Variants in FAM227B observed in about 807,000 individuals in gnomAD.
FAM227B encodes family with sequence similarity 227 member B.
In FAM227B, 88 loss-of-function variants were observed where a neutral mutation model predicts 73.8. The observed-to-expected ratio is 1.19, with a 90% CI of 1.00 to 1.42. The LOEUF is 1.42. Among genes scored for constraint, FAM227B ranks in the 40% most tolerant of loss-of-function variants. The pLI is 0.00. For missense variants in FAM227B, 632 were observed against 590.9 expected, an observed-to-expected ratio of 1.07 and a Z score of -0.72; for synonymous variants, 210 against 190.5, an observed-to-expected ratio of 1.10 and a Z score of -0.84.
chr15:49,484,128 C>A (rs943231988), intron 11 of FAM227B, among the ~76,000 whole-genome samples: 1 of 151,812 alleles, frequency 6.6e-6, no homozygotes, highest in African/African-American at 2.4e-5. Flanking sequence ...TTTAAGATAC[C>A]TTTTTATGCA....
In FAM227B at chr15:49,340,058, G is replaced by A. The variant is rs1423748684; in HGVS notation, c.1272-4562C>T. ...TGGATCTTAACTTGCTGGGCTCAGT[G>A]GGGGTGGGACCCGCTGAGCCAGACC... On this transcript the variant is annotated intron_variant, in intron 13 of 15. Coordinates refer to ENST00000299338, the MANE Select transcript of FAM227B (RefSeq NM_152647.3). Among the ~76,000 whole-genome samples the A allele has an allele frequency of 2.0e-5, 3 of 152,240 alleles. No homozygotes were observed. The East Asian group carries it at 5.8e-4, about 30-fold the overall frequency.
intron 13 of FAM227B, among the ~76,000 whole-genome samples, chr15:49,341,119 CTA>C: frequency 6.6e-6 from 1 of 152,128 alleles, no homozygotes; most frequent in Non-Finnish European, 1.5e-5. Context: ...TTTCATCAGT[CTA>C]TGTGTCTGTT....
chr15:49,331,584 G>A (rs1413709137), intron 15 of FAM227B, 196 bp downstream of exon 15: 1 of 499,928 alleles, frequency 2.0e-6, no homozygotes, highest in African/African-American at 1.9e-5. Context: ...AATGGGGAAT[G>A]TGAACATGAG....
intron 2 of FAM227B, among the ~76,000 whole-genome samples, chr15:49,612,048 T>A (rs2077964162): frequency 6.6e-6 from 1 of 151,504 alleles, no homozygotes; most frequent in East Asian, 1.9e-4. Flanking sequence ...TTTTTTTTTT[T>A]AATTTGGTAT....
intron 11 of FAM227B, chr15:49,488,494 A>G (rs2056595650): frequency 6.6e-6 from 1 of 151,878 alleles, no homozygotes; most frequent in South Asian, 2.1e-4. Flanking sequence ...CCATTCTCAA[A>G]CTACACTTCT....
At chr15:49,408,737 T>C (rs1195158060) in intron 11 of FAM227B, among the ~76,000 whole-genome samples, 3 of 152,214 alleles carry the variant, frequency 2.0e-5, no homozygotes, top group Non-Finnish European at 4.4e-5. Flanking sequence ...ATCCTGTTTT[T>C]TTCTGCTTCA....
chr15:49,571,996 C>T (rs2075138500), intron 8 of FAM227B, among the ~76,000 whole-genome samples: 1 of 151,792 alleles, frequency 6.6e-6, no homozygotes, highest in Non-Finnish European at 1.5e-5. Flanking sequence ...GATATCTTTC[C>T]ATTTATTTGT....
At chr15:49,359,108 A>T (rs2043718848) in intron 13 of FAM227B, among the ~76,000 whole-genome samples, 1 of 151,934 alleles carries the variant, frequency 6.6e-6, no homozygotes, top group African/African-American at 2.4e-5. Context: ...TAAAGACTTA[A>T]ACGTTAGACC....
At chr15:49,422,825 TTA>T in intron 11 of FAM227B, 1 of 885,992 alleles carries the variant, frequency 1.1e-6, no homozygotes, top group Non-Finnish European at 1.7e-6. Flanking sequence ...CACTCATATG[TTA>T]GTTAACACAT....
intron 3 of FAM227B, among the ~76,000 whole-genome samples, chr15:49,605,221 T>C (rs914477112): frequency 2.0e-5 from 3 of 152,114 alleles, no homozygotes; most frequent in East Asian, 1.9e-4. Context: ...GTGGGGTCCA[T>C]GGACTTCCTG....
At chr15:49,442,625 T>C (rs1433776974) in intron 11 of FAM227B, among the ~76,000 whole-genome samples, 1 of 151,652 alleles carries the variant, frequency 6.6e-6, no homozygotes, top group Admixed American at 6.6e-5. Flanking sequence ...TTGCATAGAG[T>C]AGTTACTCAC....
intron 10 of FAM227B, among the ~76,000 whole-genome samples, chr15:49,521,049 C>G (rs1357210364): frequency 2.0e-5 from 3 of 152,188 alleles, no homozygotes; most frequent in Admixed American, 2.0e-4. Flanking sequence ...GGGGGTACAG[C>G]ACAGGGCAGC....
intron 11 of FAM227B, among the ~76,000 whole-genome samples, chr15:49,438,361 C>T (rs1395655754): frequency 1.3e-5 from 2 of 151,692 alleles, no homozygotes; most frequent in Non-Finnish European, 3.0e-5. Flanking sequence ...ACCAGAACTA[C>T]CCACAAAGCA....
At chr15:49,437,943 C>G (rs2051262366) in intron 11 of FAM227B, among the ~76,000 whole-genome samples, 1 of 151,564 alleles carries the variant, frequency 6.6e-6, no homozygotes, top group Admixed American at 6.6e-5. Flanking sequence ...CATATTTTAA[C>G]CACATCTCAA....
At chr15:49,606,520 T>C (rs1361606213) in intron 3 of FAM227B, among the ~76,000 whole-genome samples, 1 of 152,232 alleles carries the variant, frequency 6.6e-6, no homozygotes, top group Non-Finnish European at 1.5e-5. Context: ...TGGGCTCTAA[T>C]ATCGCATGTT....
At chr15:49,594,118 C>G (rs1392259625) in intron 3 of FAM227B, among the ~76,000 whole-genome samples, 1 of 152,012 alleles carries the variant, frequency 6.6e-6, no homozygotes, top group Non-Finnish European at 1.5e-5. Context: ...TTTGGCAATT[C>G]TCGCAGGAGT....
At chr15:49,367,118 C>A (rs1271301310) in intron 13 of FAM227B, among the ~76,000 whole-genome samples, 1 of 152,170 alleles carries the variant, frequency 6.6e-6, no homozygotes, top group Admixed American at 6.5e-5. Flanking sequence ...GAAGCCCATG[C>A]CTCATAATTC....
At chr15:49,524,702 G>A (rs1183128372) in intron 10 of FAM227B, among the ~76,000 whole-genome samples, 9 of 152,216 alleles carry the variant, frequency 5.9e-5, no homozygotes, top group Non-Finnish European at 1.3e-4. Flanking sequence ...GCAGCCTGGA[G>A]GAGGGATATA....
At chr15:49,356,940 C>T (rs1353809649) in intron 13 of FAM227B, among the ~76,000 whole-genome samples, 1 of 149,088 alleles carries the variant, frequency 6.7e-6, no homozygotes, top group African/African-American at 2.5e-5. Flanking sequence ...TCACTCAAAA[C>T]CGCTCCACTA....
Sources: allele counts gnomAD v4.1 joint callset (sites outside exome capture counted in the v4.1 genomes callset), GRCh38; gene constraint gnomAD v4.1.1; transcripts MANE v1.5; gene names NCBI Gene and HGNC (gene_info 2026-07-23, HGNC 2026-07-21).